DPCD: variants seen among roughly 807,000 people sequenced by gnomAD.
DPCD encodes protein DPCD.
DPCD carries 20 observed loss-of-function variants against 26.4 expected under a neutral mutation model. That is an observed-to-expected ratio of 0.76 (90% CI 0.53 to 1.10). The LOEUF is 1.10. DPCD is among the 50% of genes least tolerant of loss of function. The pLI is 0.00. For synonymous variants in DPCD, 97 were observed against 94.2 expected, an observed-to-expected ratio of 1.03 and a Z score of -0.17; for missense variants, 202 against 253.9, an observed-to-expected ratio of 0.80 and a Z score of 1.39.
chr10:101,588,560 T>A (rs1328264458), intron 1 of DPCD, 160 bp downstream of exon 1: 4 of 1,446,826 alleles, frequency 2.8e-6, no homozygotes, highest in African/African-American at 2.9e-5. Context: ...TTCACAGAGA[T>A]GACATGACTG....
rs2063712405 is a variant in DPCD at position 101,603,417 on chromosome 10, G to A, written c.404+2081G>A. 6.6e-6 allele frequency among the ~76,000 whole-genome samples: 1 copy of A among 151,984 alleles called. No homozygotes were observed. Among genetic ancestry groups the A allele is most frequent in the Admixed American group, 6.5e-5 (1 of 15,272 alleles). On this transcript the variant is annotated intron_variant, in intron 4 of 5. Coordinates refer to ENST00000370151, the MANE Select transcript of DPCD (RefSeq NM_015448.3). This position sits in a 1 kb window ranked among gnomAD's most constrained non-coding sequence, Gnocchi z 4.6. ...CTCATCAGGGGTTACAGCCTGCATA[G>A]ACATTCTTTTTTATTTTTATTTTTA...
intron 1 of DPCD, among the ~76,000 whole-genome samples, chr10:101,593,227 C>A (rs2063625105): frequency 6.6e-6 from 1 of 152,128 alleles, no homozygotes; most frequent in African/African-American, 2.4e-5. Context: ...CCGCTCCTGA[C>A]AGGAGAGCCC....
rs1227710811 is a variant in DPCD, at chr10:101,600,397, T to C, written c.146-341T>C. The stretch of plus-strand genomic sequence containing the variant: ...TTTCTCCATTACCAGAAACAACCCT[T>C]TTCCTAATCTTCACATCTTCTCCTT... On this transcript the variant is annotated intron_variant, in intron 2 of 5. Coordinates refer to ENST00000370151, the MANE Select transcript of DPCD (RefSeq NM_015448.3). This position sits in a 1 kb window ranked among gnomAD's most constrained non-coding sequence, Gnocchi z 4.7. Among the ~76,000 whole-genome samples, 2 of 152,130 alleles carry C rather than the reference T, an allele frequency of 1.3e-5. No homozygotes were observed. The highest frequency in any genetic ancestry group is 2.9e-5 in the Non-Finnish European group (2 of 68,030).
rs2063636514 is a variant in DPCD at position 101,594,645 on chromosome 10, GTT to G, written c.65-10_65-9del. ...GAGACTTTGAGGTAAGGCATTCTCT[GTT>G]TTGTGCATAGGGAGAAGGAAGGTTC... On this transcript the variant is annotated splice_polypyrimidine_tract_variant and intron_variant, in intron 1 of 5. Coordinates refer to ENST00000370151, the MANE Select transcript of DPCD (RefSeq NM_015448.3). 6.2e-7 allele frequency: 1 copy of G among 1,613,826 alleles called. No individual in the cohort carries two copies. The highest frequency in any genetic ancestry group is 2.2e-5 in the East Asian group (1 of 44,896).
intron 1 of DPCD, chr10:101,588,601 C>G: frequency 1.0e-5 from 14 of 1,406,484 alleles, no homozygotes; most frequent in Non-Finnish European, 1.3e-5. Context: ...CCCTTAGATT[C>G]CTCTACACCA....
At chr10:101,592,613 C>T (rs945125402) in intron 1 of DPCD, among the ~76,000 whole-genome samples, 9 of 152,008 alleles carry the variant, frequency 5.9e-5, no homozygotes, top group African/African-American at 9.7e-5. Flanking sequence ...CCCAGCTACT[C>T]GGGAGTCTGA....
Position 101,600,985 on chromosome 10 carries a change from C to T in DPCD, c.270+123C>T. The T allele has an allele frequency of 9.2e-6, 14 of 1,516,610 alleles. No individual in the cohort carries two copies. The highest frequency in any genetic ancestry group is 1.2e-5 in the Non-Finnish European group (14 of 1,126,088). 93.9% of individuals were successfully genotyped at this position (1,516,610 alleles called of 1,614,324 possible). ...TCGCCTCCAGTGTGCCACCTGGACA[C>T]AGCACTCTATAAATGTTTGTTTGAA... On this transcript the variant is annotated intron_variant, in intron 3 of 5. Coordinates refer to ENST00000370151, the MANE Select transcript of DPCD (RefSeq NM_015448.3). This position sits in a 1 kb window ranked among gnomAD's most constrained non-coding sequence, Gnocchi z 4.7.
chr10:101,603,075 G>C lies in DPCD; in HGVS notation c.404+1739G>C, dbSNP rs761836832. On this transcript the variant is annotated intron_variant, in intron 4 of 5. Coordinates refer to ENST00000370151, the MANE Select transcript of DPCD (RefSeq NM_015448.3). This position sits in a 1 kb window ranked among gnomAD's most constrained non-coding sequence, Gnocchi z 4.6. The stretch of plus-strand genomic sequence containing the variant: ...ATGGGTGAGGCCAGGTGGGATGGGA[G>C]TGATGCCCCTGGAGGGGCAGGGCTG... Among the ~76,000 whole-genome samples the C allele has an allele frequency of 2.0e-5, 3 of 152,252 alleles. No homozygotes were observed. The highest frequency in any genetic ancestry group is 4.4e-5 in the Non-Finnish European group (3 of 68,048).
At chr10:101,606,965 G>A (rs1426429220) in intron 4 of DPCD, among the ~76,000 whole-genome samples, 1 of 152,200 alleles carries the variant, frequency 6.6e-6, no homozygotes, top group African/African-American at 2.4e-5. Flanking sequence ...ACCAAGCTGA[G>A]CCTCCACCTG....
At chr10:101,594,608 A>G in intron 1 of DPCD, 50 bp from the exon 2 acceptor site, 1 of 1,577,884 alleles carries the variant, frequency 6.3e-7, no homozygotes, top group Non-Finnish European at 8.7e-7. Flanking sequence ...TCTGCAAGGG[A>G]CAGGGCAAGG....
chr10:101,594,040 A>G (rs1324484082), intron 1 of DPCD, among the ~76,000 whole-genome samples: 1 of 152,202 alleles, frequency 6.6e-6, no homozygotes, highest in African/African-American at 2.4e-5. Flanking sequence ...ATTAAGTGCC[A>G]TGAAGAAAAT....
At chr10:101,593,645 G>A (rs1316741936) in intron 1 of DPCD, among the ~76,000 whole-genome samples, 1 of 152,084 alleles carries the variant, frequency 6.6e-6, no homozygotes, top group Non-Finnish European at 1.5e-5. Flanking sequence ...CTGGAGTGCA[G>A]TGGCACAATC....
chr10:101,609,028 T>C, intron 5 of DPCD, 91 bp downstream of exon 5: 2 of 1,098,018 alleles, frequency 1.8e-6, no homozygotes, highest in Non-Finnish European at 2.8e-6. Context: ...TCCTCAGTTC[T>C]AGCCCCAAGC....
At chr10:101,588,527 A>C (rs745878776) in intron 1 of DPCD, 127 bp downstream of exon 1, 4 of 1,484,810 alleles carry the variant, frequency 2.7e-6, no homozygotes, top group Non-Finnish European at 2.7e-6. Context: ...CAGGTCCTGC[A>C]TTTGCAGATG....
intron 4 of DPCD, among the ~76,000 whole-genome samples, chr10:101,607,345 T>C (rs1396213701): frequency 6.6e-6 from 1 of 152,192 alleles, no homozygotes; most frequent in Non-Finnish European, 1.5e-5. Flanking sequence ...AGGCAGGCAT[T>C]CCATCCCCGG....
chr10:101,602,848 G>C (rs1226460021), intron 4 of DPCD, among the ~76,000 whole-genome samples: 2 of 152,346 alleles, frequency 1.3e-5, no homozygotes, highest in South Asian at 2.1e-4. Context: ...GTCGAATACA[G>C]ATATCAGACA....
At chr10:101,604,637 A>C (rs2063721093) in intron 4 of DPCD, among the ~76,000 whole-genome samples, 1 of 152,210 alleles carries the variant, frequency 6.6e-6, no homozygotes, top group South Asian at 2.1e-4. Context: ...GAGGGCTCCT[A>C]GCCTCAGCCT....
rs971051539 is a variant in DPCD at position 101,600,522 on chromosome 10, G to C, written c.146-216G>C. On this transcript the variant is annotated intron_variant, in intron 2 of 5. Coordinates refer to ENST00000370151, the MANE Select transcript of DPCD (RefSeq NM_015448.3). The surrounding 1 kb of genome is among the most constrained non-coding windows in gnomAD (Gnocchi z 4.7). ...GAGCACCCATGAGATGCGCTTTGAG[G>C]GTTGTCTAATGTTGAAATGCTCTAC... is the stretch of plus-strand genomic sequence containing the variant. Among the ~76,000 whole-genome samples, 18 of 152,164 alleles carry C rather than the reference G, an allele frequency of 1.2e-4. No individual in the cohort carries two copies. The highest frequency in any genetic ancestry group is 4.3e-4 in the African/African-American group (18 of 41,410).
intron 1 of DPCD, among the ~76,000 whole-genome samples, chr10:101,593,598 C>CT (rs962713022): frequency 6.6e-6 from 1 of 150,798 alleles, no homozygotes; most frequent in Non-Finnish European, 1.5e-5. Flanking sequence ...TCTTCTTCTT[C>CT]TTTTTTTTTA....
Sources: gnomAD v4.1 joint callset for allele counts (sites outside exome capture counted in the v4.1 genomes callset) on GRCh38, gnomAD v4.1.1 for gene constraint, Gnocchi (gnomAD v3.1) non-coding constraint, MANE v1.5 for transcripts, NCBI Gene and HGNC (gene_info 2026-07-23, HGNC 2026-07-21) for gene names.